Variants in MTHFD1L observed in about 807,000 individuals in gnomAD.
MTHFD1L encodes the protein monofunctional C1-tetrahydrofolate synthase, mitochondrial.
A neutral mutation model predicts 119.5 loss-of-function variants in MTHFD1L; 81 were observed. That is an observed-to-expected ratio of 0.68 (90% CI 0.57 to 0.82). MTHFD1L has a LOEUF of 0.82. Ranked by LOEUF, MTHFD1L falls within the 40% of genes least tolerant of loss-of-function variation. The pLI is 0.00. For synonymous variants in MTHFD1L, 430 were observed against 475.2 expected (o/e 0.90, Z 1.24); for missense variants, 1,125 against 1,253.4 (o/e 0.90, Z 1.55).
intron 15 of MTHFD1L, among the ~76,000 whole-genome samples, chr6:150,948,112 A>G (rs1794290666): frequency 6.6e-6 from 1 of 151,636 alleles, no homozygotes. Flanking sequence ...GGTTAAAGCG[A>G]TTCTCCTGCC....
At chr6:151,077,093 A>G (rs1792600121) in intron 26 of MTHFD1L, among the ~76,000 whole-genome samples, 1 of 152,194 alleles carries the variant, frequency 6.6e-6, no homozygotes, top group Non-Finnish European at 1.5e-5. Flanking sequence ...GAATTCCAAT[A>G]AGACAGAAGA....
chr6:150,872,794 T>TA (rs923968819), intron 1 of MTHFD1L, among the ~76,000 whole-genome samples: 1 of 151,804 alleles, frequency 6.6e-6, no homozygotes, highest in Non-Finnish European at 1.5e-5. Flanking sequence ...TGTATGCCTG[T>TA]ATTTTTTTTT....
rs1380757070 is a variant in MTHFD1L, at chr6:151,092,501, G to A, written c.2882G>A (p.Cys961Tyr). 1 of 1,614,014 alleles carries A rather than the reference G, an allele frequency of 6.2e-7. No individual in the cohort carries two copies. Among genetic ancestry groups the A allele is most frequent in the African/African-American group, 1.3e-5 (1 of 74,924 alleles). Reference sequence around the variant, plus strand: ...ATGCCAGGACTGCCCACCCGGCCCTGCTTTTATGACATAGATCTTGATACC... The same window carrying A: ...ATGCCAGGACTGCCCACCCGGCCCTACTTTTATGACATAGATCTTGATACC... ...STMPGLPTRP[C>Y]FYDIDLDTET... The change falls in exon 27 of 28, where the codon TGC becomes TAC. Residue 961 changes from cysteine (C) to tyrosine (Y), a missense_variant. Cys to Tyr is a radical substitution (Grantham distance 194, BLOSUM62 -2). This residue lies in a region of MTHFD1L where 61 missense variants were observed against 78.9 expected (regional missense o/e 0.77). Transcript: ENST00000367321.
At chr6:151,053,758 G>A (rs1017693156) in intron 26 of MTHFD1L, among the ~76,000 whole-genome samples, 3 of 151,818 alleles carry the variant, frequency 2.0e-5, no homozygotes, top group Admixed American at 1.3e-4. Context: ...TACTAGGGAG[G>A]CTGAGGCAGG....
intron 22 of MTHFD1L, 93 bp from the exon 23 acceptor site, chr6:151,014,787 A>G (rs545344318): frequency 1.2e-6 from 1 of 836,772 alleles, no homozygotes; most frequent in Admixed American, 2.6e-5. Context: ...AGATGTAGCA[A>G]ATCCTGCCAG....
intron 16 of MTHFD1L, among the ~76,000 whole-genome samples, chr6:150,953,746 A>G (rs73017069): frequency 0.14 from 20,757 of 152,038 alleles, 1,841 homozygotes; most frequent in Middle Eastern, 0.28. Flanking sequence ...TCTCTTTGCT[A>G]GATAAAAAAC....
intron 1 of MTHFD1L, among the ~76,000 whole-genome samples, chr6:150,874,810 T>C (rs1780131665): frequency 6.6e-6 from 1 of 151,950 alleles, no homozygotes; most frequent in African/African-American, 2.4e-5. Flanking sequence ...TTGCCCAGGC[T>C]GGAGTGCGGT....
At chr6:150,893,601 G>A (rs932221073) in intron 7 of MTHFD1L, among the ~76,000 whole-genome samples, 14 of 152,196 alleles carry the variant, frequency 9.2e-5, no homozygotes, top group Admixed American at 2.6e-4. Context: ...CATACCTGCT[G>A]TGGGACATCT....
chr6:151,041,642 C>T (rs1302007560), intron 26 of MTHFD1L: 2 of 369,802 alleles, frequency 5.4e-6, no homozygotes, highest in African/African-American at 2.2e-5. Flanking sequence ...GGCCATCAGC[C>T]CCACAGCTAT....
chr6:150,883,384 A>G (rs1225338209), intron 5 of MTHFD1L, among the ~76,000 whole-genome samples: 1 of 152,190 alleles, frequency 6.6e-6, no homozygotes, highest in Non-Finnish European at 1.5e-5. Flanking sequence ...TGGAAAATAC[A>G]TTAGCCCTTT....
intron 22 of MTHFD1L, 93 bp from the exon 23 acceptor site, chr6:151,014,787 A>C (rs545344318): frequency 1.2e-6 from 1 of 836,664 alleles, no homozygotes; most frequent in Non-Finnish European, 1.9e-6. Context: ...AGATGTAGCA[A>C]ATCCTGCCAG....
chr6:151,073,125 G>A (rs1792117440), intron 26 of MTHFD1L, among the ~76,000 whole-genome samples: 1 of 152,174 alleles, frequency 6.6e-6, no homozygotes, highest in Non-Finnish European at 1.5e-5. Flanking sequence ...CTGAGTTGAA[G>A]ACAGAGCTGG....
intron 6 of MTHFD1L, among the ~76,000 whole-genome samples, chr6:150,886,059 A>G (rs1782201287): frequency 6.6e-6 from 1 of 152,246 alleles, no homozygotes; most frequent in Non-Finnish European, 1.5e-5. Context: ...GAAACAGTCA[A>G]AATAACCACA....
intron 7 of MTHFD1L, among the ~76,000 whole-genome samples, 182 bp downstream of exon 7, chr6:150,888,163 G>A (rs887717019): frequency 2.0e-5 from 3 of 152,196 alleles, no homozygotes; most frequent in Non-Finnish European, 4.4e-5. Context: ...AAGGCAACAG[G>A]TGGTTTTACA....
At chr6:150,903,678 C>T (rs1785436955) in intron 7 of MTHFD1L, among the ~76,000 whole-genome samples, 1 of 152,174 alleles carries the variant, frequency 6.6e-6, no homozygotes, top group Non-Finnish European at 1.5e-5. Flanking sequence ...CCCACCCTGG[C>T]CTCCCAAAGT....
intron 20 of MTHFD1L, among the ~76,000 whole-genome samples, chr6:151,008,337 C>T (rs1203363618): frequency 3.9e-5 from 6 of 152,152 alleles, no homozygotes; most frequent in African/African-American, 1.2e-4. Context: ...CTGGTCATAC[C>T]GTCAGCATAT....
At chr6:150,939,683 CTTT>C in intron 13 of MTHFD1L, among the ~76,000 whole-genome samples, 1 of 108,418 alleles carries the variant, frequency 9.2e-6, no homozygotes, top group Non-Finnish European at 1.8e-5. Context: ...CTTGCAGACT[CTTT>C]TTTTTTTTTT....
chr6:150,922,065 ATTCCTAATATCCTCCTGGCTTATTGTG>A lies in MTHFD1L; in HGVS notation c.985-139_985-113del. On this transcript the variant is annotated intron_variant, in intron 9 of 27. Transcript: ENST00000367321. ...AACCTAGTTACACGTGAATAAAAAT[ATTCCTAATATCCTCCTGGCTTATTGTG>A]CGACTCGATAATCTTGTTTTGTAAC... 2.1e-4 allele frequency: 136 copies of A among 644,208 alleles called. 2 individuals are homozygous for A. In the South Asian group the frequency reaches 3.0e-3, roughly 14 times the overall value. The allele number at this position is 644,208 out of a possible 1,614,324, so 39.9% of individuals were successfully genotyped here.
chr6:151,055,397 C>T (rs117108676), intron 26 of MTHFD1L, among the ~76,000 whole-genome samples: 2 of 152,246 alleles, frequency 1.3e-5, no homozygotes, highest in African/African-American at 2.4e-5. Flanking sequence ...ATCTCCATCT[C>T]GGTTTTACAT....
Sources: allele counts gnomAD v4.1 joint callset (sites outside exome capture counted in the v4.1 genomes callset), GRCh38; gene constraint gnomAD v4.1.1; regional missense constraint gnomAD v4.1.1; transcripts MANE v1.5; gene names NCBI Gene and HGNC (gene_info 2026-07-23, HGNC 2026-07-21).